The following DAB1 variants were observed in gnomAD, a reference collection of about 807,000 sequenced individuals.
DAB1 encodes DAB adaptor protein 1, also known as disabled homolog 1.
In DAB1, 15 loss-of-function variants were observed where a neutral mutation model predicts 64.6. The ratio of observed to expected loss-of-function variants is 0.23; its 90% CI spans 0.16 to 0.36. The LOEUF (loss-of-function observed/expected upper bound fraction) is 0.36. DAB1 is among the 10% of genes least tolerant of loss of function. The pLI is 1.00. For missense variants in DAB1, 596 were observed against 706.7 expected (o/e 0.84, Z 1.78); for synonymous variants, 235 against 251.9 (o/e 0.93, Z 0.64).
At chr1:57,326,276 A>G (rs1357272068) in intron 1 of DAB1, among the ~76,000 whole-genome samples, 4 of 152,250 alleles carry the variant, frequency 2.6e-5, no homozygotes, top group Non-Finnish European at 5.9e-5. Context: ...TTTGGATCAG[A>G]TGAAATGCTC....
At chr1:57,733,744 C>T (rs1046781603) in intron 6 of DAB1, among the ~76,000 whole-genome samples, 2 of 151,860 alleles carry the variant, frequency 1.3e-5, no homozygotes, top group African/African-American at 2.4e-5. Context: ...GGATTAGGGT[C>T]TGAAGGAGAA....
chr1:57,047,495 G>A (rs1046279956), intron 9 of DAB1, among the ~76,000 whole-genome samples: 1 of 151,504 alleles, frequency 6.6e-6, no homozygotes, highest in Non-Finnish European at 1.5e-5. Context: ...TCCTCTCTCT[G>A]TTCCCACCCC....
chr1:58,079,280 C>T (rs1409684663), intron 5 of DAB1, among the ~76,000 whole-genome samples: 1 of 152,120 alleles, frequency 6.6e-6, no homozygotes, highest in Non-Finnish European at 1.5e-5. Flanking sequence ...ACCATCCTGG[C>T]AGAAACAACA....
intron 5 of DAB1, among the ~76,000 whole-genome samples, chr1:58,019,062 T>C (rs1646781306): frequency 6.6e-6 from 1 of 152,152 alleles, no homozygotes; most frequent in African/African-American, 2.4e-5. Context: ...AATCACTTAA[T>C]CTCTCTGGGC....
intron 7 of DAB1, among the ~76,000 whole-genome samples, chr1:57,455,525 T>A (rs1265738742): frequency 6.6e-6 from 1 of 152,024 alleles, no homozygotes; most frequent in Non-Finnish European, 1.5e-5. Context: ...TTTAGTAAGA[T>A]CCCTAAAACC....
intron 1 of DAB1, among the ~76,000 whole-genome samples, chr1:58,540,838 T>C (rs1289347436): frequency 6.8e-6 from 1 of 147,628 alleles, no homozygotes; most frequent in Non-Finnish European, 1.5e-5. Flanking sequence ...CTTGAAATAA[T>C]GGCCAAAAGT....
chr1:57,866,665 A>G (rs1270131848), intron 1 of DAB1, among the ~76,000 whole-genome samples: 3 of 152,172 alleles, frequency 2.0e-5, no homozygotes, highest in Non-Finnish European at 4.4e-5. Context: ...GGCATGCCTT[A>G]CAGAGCTCTT....
rs1003329891 is a variant in DAB1, at chr1:57,759,829, A to C, written n.552-110164T>G. On this transcript the variant is annotated intron_variant and non_coding_transcript_variant, in intron 6 of 20. Coordinates refer to the DAB1 transcript ENST00000485760. ...AAGGAGGTGCAACAAAATGGGCTCA[A>C]TGTGTAACTTACACGCAATTGTGCA... 3.3e-5 allele frequency among the ~76,000 whole-genome samples: 5 copies of C among 152,156 alleles called. No individual in the cohort carries two copies. The East Asian group carries it at 9.6e-4, about 29-fold the overall frequency.
intron 1 of DAB1, among the ~76,000 whole-genome samples, chr1:57,410,410 T>C (rs1172114790): frequency 6.6e-6 from 1 of 152,158 alleles, no homozygotes; most frequent in African/African-American, 2.4e-5. Flanking sequence ...CCTAGATCAA[T>C]AGATGTGGAA....
At chr1:58,077,815 T>C (rs1570321612) in intron 5 of DAB1, among the ~76,000 whole-genome samples, 1 of 152,296 alleles carries the variant, frequency 6.6e-6, no homozygotes, top group East Asian at 1.9e-4. Context: ...GGTCTTTCAG[T>C]GCCCAAGGAC....
At chr1:57,396,447 A>G (rs1285598812) in intron 1 of DAB1, among the ~76,000 whole-genome samples, 1 of 152,130 alleles carries the variant, frequency 6.6e-6, no homozygotes, top group Non-Finnish European at 1.5e-5. Flanking sequence ...AGGATGCCAC[A>G]TTTGGGGGAA....
chr1:58,456,288 C>T (rs1489270964), intron 3 of DAB1, among the ~76,000 whole-genome samples: 3 of 152,222 alleles, frequency 2.0e-5, no homozygotes, highest in Non-Finnish European at 4.4e-5. Context: ...CCAGATCACA[C>T]AGCTCAGCTG....
At chr1:58,092,102 G>A (rs1003615096) in intron 5 of DAB1, among the ~76,000 whole-genome samples, 3 of 151,912 alleles carry the variant, frequency 2.0e-5, no homozygotes, top group Non-Finnish European at 2.9e-5. Context: ...TTTGGGTGGC[G>A]CAGGCGGGTG....
At chr1:58,073,390 CCTCTTCTCTGGG>C (rs1350692694) in intron 5 of DAB1, among the ~76,000 whole-genome samples, 1 of 152,194 alleles carries the variant, frequency 6.6e-6, no homozygotes, top group East Asian at 1.9e-4. Flanking sequence ...GATGCCCTCT[CCTCTTCTCTGGG>C]CTCATAGAGC....
At chr1:57,339,396 T>G (rs1677383460) in intron 1 of DAB1, among the ~76,000 whole-genome samples, 2 of 152,194 alleles carry the variant, frequency 1.3e-5, no homozygotes, top group African/African-American at 4.8e-5. Context: ...GACCTCGTGA[T>G]CCACACGCCT....
intron 4 of DAB1, among the ~76,000 whole-genome samples, chr1:57,125,093 C>G (rs1657015036): frequency 6.6e-6 from 1 of 152,178 alleles, no homozygotes; most frequent in South Asian, 2.1e-4. Context: ...TTGACAACCC[C>G]AAGCTCATCT....
intron 5 of DAB1, among the ~76,000 whole-genome samples, chr1:58,130,757 C>A: frequency 6.6e-6 from 1 of 151,840 alleles, no homozygotes; most frequent in Non-Finnish European, 1.5e-5. Context: ...GTTGAAAATT[C>A]TTTTCTTTAA....
chr1:57,366,252 C>T (rs763977533), intron 1 of DAB1, among the ~76,000 whole-genome samples: 3 of 152,182 alleles, frequency 2.0e-5, no homozygotes, highest in Non-Finnish European at 4.4e-5. Flanking sequence ...TTTTACTTAT[C>T]AGGAAATTTT....
At chr1:58,180,281 C>CTTT (rs869204611) in intron 4 of DAB1, among the ~76,000 whole-genome samples, 2 of 61,034 alleles carry the variant, frequency 3.3e-5, no homozygotes, top group African/African-American at 1.4e-4. Flanking sequence ...TTTTTCTTTT[C>CTTT]TTTTTTTTTT....
Sources: gnomAD v4.1 joint callset for allele counts (sites outside exome capture counted in the v4.1 genomes callset) on GRCh38, gnomAD v4.1.1 for gene constraint, MANE v1.5 for transcripts, NCBI Gene and HGNC (gene_info 2026-07-23, HGNC 2026-07-21) for gene names.